Variants in PLXNA4 observed in about 807,000 individuals in gnomAD.
The protein encoded by PLXNA4 is plexin-A4.
PLXNA4 carries 44 observed loss-of-function variants against 191.8 expected under a neutral mutation model. That is an observed-to-expected ratio of 0.23 (90% confidence interval 0.18 to 0.29). The LOEUF is 0.29. PLXNA4 is among the 10% of genes least tolerant of loss of function. The pLI, the probability that PLXNA4 is intolerant of heterozygous loss-of-function variation, is 1.00. For missense variants in PLXNA4, 1,800 were observed against 2,488.8 expected (o/e 0.72, Z 5.89); for synonymous variants, 1,082 against 1,009.5 (o/e 1.07, Z -1.36).
At chr7:132,132,639 G>A (rs1256564414) in intron 31 of PLXNA4, among the ~76,000 whole-genome samples, 1 of 150,038 alleles carries the variant, frequency 6.7e-6, no homozygotes, top group Non-Finnish European at 1.5e-5. Context: ...AGTCTATTCT[G>A]TTTCTATTCT....
At chr7:132,596,981 T>TAC (rs1232619725) in intron 2 of PLXNA4, among the ~76,000 whole-genome samples, 2 of 152,114 alleles carry the variant, frequency 1.3e-5, no homozygotes, top group African/African-American at 4.8e-5. Flanking sequence ...TCACACTAAC[T>TAC]ACATTGGGAG....
intron 3 of PLXNA4, among the ~76,000 whole-genome samples, chr7:132,351,667 G>A (rs1442763247): frequency 6.6e-6 from 1 of 152,178 alleles, no homozygotes; most frequent in Non-Finnish European, 1.5e-5. Context: ...GAAGCACCTT[G>A]TCCATGTGCA....
chr7:132,172,804 C>T (rs188256098), intron 21 of PLXNA4, among the ~76,000 whole-genome samples: 122 of 147,686 alleles, frequency 8.3e-4, no homozygotes, highest in African/African-American at 2.9e-3. Flanking sequence ...TTAAAGGAAA[C>T]CTACTTAGAT....
intron 2 of PLXNA4, among the ~76,000 whole-genome samples, chr7:132,622,991 C>T (rs528084646): frequency 7.9e-5 from 12 of 152,212 alleles, no homozygotes; most frequent in Admixed American, 3.9e-4. Context: ...TCCATAGCTG[C>T]GAAAGGAAAC....
At chr7:132,267,965 C>G (rs1799918687) in intron 4 of PLXNA4, among the ~76,000 whole-genome samples, 1 of 152,138 alleles carries the variant, frequency 6.6e-6, no homozygotes, top group South Asian at 2.1e-4. Context: ...AATGGAGAAT[C>G]CTGCCAGGAC....
intron 3 of PLXNA4, chr7:132,485,112 T>A: frequency 6.6e-7 from 1 of 1,514,556 alleles, no homozygotes; most frequent in Non-Finnish European, 8.9e-7. Context: ...AGAATGGTTT[T>A]TGTACTATAT....
chr7:132,300,741 A>T (rs1050027017), intron 3 of PLXNA4, among the ~76,000 whole-genome samples: 1 of 152,206 alleles, frequency 6.6e-6, no homozygotes, highest in Admixed American at 6.5e-5. Context: ...CCCAGCTGGG[A>T]GGTGCCCCTG....
At chr7:132,556,263 C>G (rs75487604) in intron 1 of PLXNA4, among the ~76,000 whole-genome samples, 2,524 of 152,298 alleles carry the variant, frequency 0.017, 72 homozygotes, top group African/African-American at 0.058. Context: ...TGCTGCATGC[C>G]CCTCGTGCCC....
intron 2 of PLXNA4, among the ~76,000 whole-genome samples, chr7:132,501,679 G>A (rs1188723283): frequency 2.0e-5 from 3 of 152,182 alleles, no homozygotes; most frequent in East Asian, 1.9e-4. Flanking sequence ...GGAGGTGGGC[G>A]GGCCTTTCAC....
intron 1 of PLXNA4, among the ~76,000 whole-genome samples, chr7:132,573,779 A>G (rs1335235011): frequency 6.6e-6 from 1 of 152,200 alleles, no homozygotes; most frequent in African/African-American, 2.4e-5. Context: ...ATTGGGTAAG[A>G]AGGAGCAGCT....
chr7:132,583,321 G>C (rs1802442458), intron 2 of PLXNA4, among the ~76,000 whole-genome samples: 1 of 152,204 alleles, frequency 6.6e-6, no homozygotes, highest in Non-Finnish European at 1.5e-5. Flanking sequence ...CAGGGCAGGA[G>C]GGAGGCCCAA....
chr7:132,592,619 C>T (rs1017288), intron 2 of PLXNA4, among the ~76,000 whole-genome samples: 107,599 of 151,204 alleles, frequency 0.71, 39,947 homozygotes, highest in South Asian at 0.88. Context: ...TCCCTTTAAA[C>T]GAGCTGCCGA....
intron 3 of PLXNA4, among the ~76,000 whole-genome samples, chr7:132,365,361 G>A (rs1213629813): frequency 1.1e-5 from 1 of 91,736 alleles, no homozygotes; most frequent in Admixed American, 1.3e-4. Context: ...GTGTGTGTGT[G>A]CGTGCGCGCG....
At chr7:132,284,102 C>A (rs1800591257) in intron 4 of PLXNA4, among the ~76,000 whole-genome samples, 1 of 152,182 alleles carries the variant, frequency 6.6e-6, no homozygotes, top group Non-Finnish European at 1.5e-5. Context: ...GAGCTTAGGA[C>A]TTCAAGGTTA....
chr7:132,455,594 T>A (rs1796284869), intron 3 of PLXNA4, among the ~76,000 whole-genome samples: 1 of 152,116 alleles, frequency 6.6e-6, no homozygotes, highest in African/African-American at 2.4e-5. Context: ...GCGCAGTATG[T>A]TTGCTGAGTG....
intron 2 of PLXNA4, among the ~76,000 whole-genome samples, chr7:132,640,819 TTC>T (rs1803729009): frequency 6.6e-6 from 1 of 152,152 alleles, no homozygotes; most frequent in African/African-American, 2.4e-5. Flanking sequence ...ACACAATTAC[TTC>T]TTATCACTTA....
chr7:132,551,473 T>C (rs1800557615), intron 1 of PLXNA4, among the ~76,000 whole-genome samples: 1 of 152,130 alleles, frequency 6.6e-6, no homozygotes, highest in Non-Finnish European at 1.5e-5. Context: ...GCAATGCTTT[T>C]CCATTCACAA....
chr7:132,303,472 G>A (rs1433712600), intron 3 of PLXNA4, among the ~76,000 whole-genome samples: 3 of 152,042 alleles, frequency 2.0e-5, no homozygotes, highest in African/African-American at 7.2e-5. Context: ...GGGATGCTAA[G>A]GCAGGAGAAT....
intron 2 of PLXNA4, among the ~76,000 whole-genome samples, chr7:132,588,634 AGGAAGGGAAGGGAAGGGAAG>A (rs1188847081): frequency 5.0e-5 from 3 of 59,988 alleles, no homozygotes; most frequent in Non-Finnish European, 6.4e-5. Context: ...TGAGGAAGGA[AGGAAGGGAAGGGAAGGGAAG>A]GGAAGGGAAG....
Sources: allele counts gnomAD v4.1 joint callset (sites outside exome capture counted in the v4.1 genomes callset), GRCh38; gene constraint gnomAD v4.1.1; transcripts MANE v1.5; gene names NCBI Gene and HGNC (gene_info 2026-07-23, HGNC 2026-07-21).